The following HCRTR1 variants were observed in gnomAD, a reference collection of about 807,000 sequenced individuals.
The protein encoded by HCRTR1 is hypocretin receptor 1, also known as orexin/Hypocretin receptor type 1.
HCRTR1 carries 28 observed loss-of-function variants against 40.6 expected under a neutral mutation model. The observed-to-expected ratio is 0.69, with a 90% confidence interval of 0.51 to 0.95. The LOEUF (loss-of-function observed/expected upper bound fraction) is 0.95. Ranked by LOEUF, HCRTR1 falls within the 40% of genes least tolerant of loss-of-function variation. The pLI is 0.00. For missense variants in HCRTR1, 482 were observed against 564.7 expected (o/e 0.85, Z 1.48); for synonymous variants, 209 against 230.0 (o/e 0.91, Z 0.83).
downstream of HCRTR1, among the ~76,000 whole-genome samples, chr1:31,628,613 C>A (rs1442917327): frequency 1.3e-5 from 2 of 152,232 alleles, no homozygotes; most frequent in African/African-American, 2.4e-5. Context: ...ACAATTGGCA[C>A]CATCGGGTTT....
In HCRTR1 at chr1:31,626,178, T is replaced by G. The variant is rs6663012; in HGVS notation, c.1088-612T>G. Among the ~76,000 whole-genome samples the G allele has an allele frequency of 0.5, 75,861 of 152,040 alleles. 20,899 individuals are homozygous for G. The highest frequency in any genetic ancestry group is 0.62 in the Non-Finnish European group (41,959 of 67,940). On this transcript the variant is annotated intron_variant, in intron 8 of 8. Transcript: ENST00000403528. This position sits in a 1 kb window ranked among gnomAD's most constrained non-coding sequence, Gnocchi z 4.6. ...TCCCTGGTATACTTGGGCTGAATAA[T>G]GTGGTGTGGTGGTCCCTCCTTCCCT...
At chr1:31,618,513 C>T (rs889373239) in intron 1 of HCRTR1, among the ~76,000 whole-genome samples, 2 of 152,118 alleles carry the variant, frequency 1.3e-5, no homozygotes, top group Non-Finnish European at 2.9e-5. Context: ...TCTCTAACAC[C>T]TCCCTTGGCC....
chr1:31,626,986 G>C lies in HCRTR1; in HGVS notation c.*6G>C. ...TCACCACAGTGCTGCCCTGAGCGAG[G>C]GCTGCCCTGGAGGCTCCGGCTCGGG... On this transcript the variant is annotated 3_prime_UTR_variant, in exon 9 of 9. Transcript: ENST00000403528. This position sits in a 1 kb window ranked among gnomAD's most constrained non-coding sequence, Gnocchi z 4.6. 6.2e-7 allele frequency: 1 copy of C among 1,609,048 alleles called. No homozygotes were observed. Among genetic ancestry groups the C allele is most frequent in the East Asian group, 2.2e-5 (1 of 44,836 alleles).
rs752499424 is a variant in HCRTR1, at chr1:31,625,012, C to A, written c.981C>A (p.Phe327Leu). 2 of 1,607,652 alleles carry A rather than the reference C, an allele frequency of 1.2e-6. No homozygotes were observed. The highest frequency in any genetic ancestry group is 1.7e-6 in the Non-Finnish European group (2 of 1,175,508). Residue 327 changes from phenylalanine to leucine, a missense_variant, in exon 8 of 9, where the codon TTC (phenylalanine) becomes TTA (leucine). Physicochemically the swap from Phe to Leu is conservative, Grantham distance 22 (BLOSUM62 0). Coordinates refer to ENST00000403528, the MANE Select transcript of HCRTR1 (RefSeq NM_001525.3). The surrounding 1 kb of genome is among the most constrained non-coding windows in gnomAD (Gnocchi z 4.2). ...LNVLKRVFGM[F>L]RQASDREAVY... ...CTGGGCCTAGGGTGTTCGGGATGTT[C>A]CGCCAAGCCAGTGACCGCGAAGCTG...
downstream of HCRTR1, chr1:31,632,782 A>G: frequency 2.1e-6 from 2 of 943,590 alleles, no homozygotes; most frequent in South Asian, 3.4e-5. Context: ...AGATGCCTGC[A>G]CCTGAGACAC....
At chr1:31,621,631 T>C in intron 6 of HCRTR1, 39 bp downstream of exon 6, 1 of 1,425,234 alleles carries the variant, frequency 7.0e-7, no homozygotes, top group Non-Finnish European at 9.9e-7. Context: ...CCAGTCACTG[T>C]GTGGGCTGGG....
downstream of HCRTR1, among the ~76,000 whole-genome samples, chr1:31,631,122 G>A (rs562429999): frequency 1.1e-4 from 17 of 152,250 alleles, no homozygotes; most frequent in African/African-American, 3.9e-4. Flanking sequence ...AGACGACAAC[G>A]GACTATCCGC....
At chr1:31,621,951 G>C (rs774672992) in intron 6 of HCRTR1, among the ~76,000 whole-genome samples, 40 of 152,146 alleles carry the variant, frequency 2.6e-4, no homozygotes, top group Admixed American at 5.2e-4. Flanking sequence ...GAGTAGATCA[G>C]GAACTAAAGC....
At chr1:31,634,118 G>C (rs1640192782), downstream of HCRTR1, among the ~76,000 whole-genome samples, 1 of 152,190 alleles carries the variant, frequency 6.6e-6, no homozygotes, top group South Asian at 2.1e-4. Context: ...CCAAAGCCCA[G>C]TAAGGACAGA....
Position 31,626,935 on chromosome 1 carries a change from C to A in HCRTR1, c.1233C>A (p.Ile411=). 1 of 1,613,652 alleles carries A rather than the reference C, an allele frequency of 6.2e-7. No individual in the cohort carries two copies. The highest frequency in any genetic ancestry group is 8.5e-7 in the Non-Finnish European group (1 of 1,180,026). Residue 411 remains isoleucine, a synonymous_variant, in exon 9 of 9, where the codon ATC becomes ATA. Transcript: ENST00000403528. This position sits in a 1 kb window ranked among gnomAD's most constrained non-coding sequence, Gnocchi z 4.6. ...SLQSRCSISK[I]SEHVVLTSVT... ...AGAGCCGATGCTCCATCTCCAAAAT[C>A]TCTGAGCATGTGGTGCTCACCAGCG...
chr1:31,627,441 GC>G lies in HCRTR1; in HGVS notation c.*464del. The stretch of plus-strand genomic sequence containing the variant: ...CTGATGCCTGTGTGAACTAATCTGG[GC>G]CCAGCCTTTCTCCAGCGGGCCACGA... On this transcript the variant is annotated 3_prime_UTR_variant, in exon 9 of 9. Transcript: ENST00000403528. 1 of 1,070,738 alleles carries G rather than the reference GC, an allele frequency of 9.3e-7. No individual in the cohort carries two copies. Among genetic ancestry groups the G allele is most frequent in the East Asian group, 5.8e-5 (1 of 17,212 alleles). 66.3% of individuals were successfully genotyped at this position (1,070,738 alleles called of 1,614,324 possible).
Position 31,627,430 on chromosome 1 carries a change from A to T in HCRTR1, c.*450A>T. On this transcript the variant is annotated 3_prime_UTR_variant, in exon 9 of 9. Coordinates refer to ENST00000403528, the MANE Select transcript of HCRTR1 (RefSeq NM_001525.3). ...GGCCAGCTGTTCTGATGCCTGTGTGAACTAATCTGGGCCCAGCCTTTCTCC... is the reference window on the plus strand; with the variant it reads ...GGCCAGCTGTTCTGATGCCTGTGTGTACTAATCTGGGCCCAGCCTTTCTCC... 8.9e-7 allele frequency: 1 copy of T among 1,124,230 alleles called. No homozygotes were observed. The highest frequency in any genetic ancestry group is 1.2e-6 in the Non-Finnish European group (1 of 836,806). The allele number at this position is 1,124,230 out of a possible 1,614,324, so 69.6% of individuals were successfully genotyped here.
At chr1:31,632,982 T>C (rs967979397), downstream of HCRTR1, among the ~76,000 whole-genome samples, 5 of 152,078 alleles carry the variant, frequency 3.3e-5, no homozygotes, top group Non-Finnish European at 7.4e-5. Flanking sequence ...TTAAGAAAGA[T>C]CTCAGGAAAA....
Position 31,620,927 on chromosome 1 carries a change from A to G in HCRTR1, c.463A>G (p.Lys155Glu). ...TGCCATCTGCCACCCACTATTGTTC[A>G]AGAGCACAGCCCGGCGGGCCCGTGG... ...WYAICHPLLF[K>E]STARRARGSI... The change falls in exon 5 of 9, where the codon AAG (lysine) becomes GAG (glutamate). Residue 155 changes from lysine (K) to glutamate (E), a missense_variant. Lys to Glu is a moderately conservative substitution (Grantham distance 56, BLOSUM62 1). Transcript: ENST00000403528. 1.9e-6 allele frequency: 3 copies of G among 1,614,102 alleles called. No individual in the cohort carries two copies. Among genetic ancestry groups the G allele is most frequent in the Non-Finnish European group, 2.5e-6 (3 of 1,180,020 alleles).
In HCRTR1 at chr1:31,620,939, C is replaced by A. The variant is rs751652807; in HGVS notation, c.475C>A (p.Arg159=). 1.2e-6 allele frequency: 2 copies of A among 1,613,990 alleles called. No individual in the cohort carries two copies. The highest frequency in any genetic ancestry group is 3.3e-5 in the Admixed American group (2 of 60,004). Residue 159 remains arginine (R), a synonymous_variant, in exon 5 of 9, where the codon CGG becomes AGG. Coordinates refer to ENST00000403528, the MANE Select transcript of HCRTR1 (RefSeq NM_001525.3). ...CCCACTATTGTTCAAGAGCACAGCC[C>A]GGCGGGCCCGTGGCTCCATCCTGGG... ...CHPLLFKSTA[R]RARGSILGIW...
rs969938010 is a variant in HCRTR1, at chr1:31,627,509, A to G, written c.*529A>G. ...ACCAGGTGCCAAGGGCACACACCAC[A>G]GACCCGACCTTGTTGGCTTTGTGGT... is the stretch of plus-strand genomic sequence containing the variant. On this transcript the variant is annotated 3_prime_UTR_variant, in exon 9 of 9. Coordinates refer to ENST00000403528, the MANE Select transcript of HCRTR1 (RefSeq NM_001525.3). 1 of 460,628 alleles carries G rather than the reference A, an allele frequency of 2.2e-6. No individual in the cohort carries two copies. Among genetic ancestry groups the G allele is most frequent in the Admixed American group, 3.1e-5 (1 of 32,678 alleles). The allele number at this position is 460,628 out of a possible 1,614,324, so 28.5% of individuals were successfully genotyped here.
downstream of HCRTR1, chr1:31,632,685 G>A (rs769028564): frequency 6.3e-7 from 1 of 1,597,308 alleles, no homozygotes; most frequent in Non-Finnish European, 8.5e-7. Context: ...CAAGACTGAA[G>A]GCCAAGGGTC....
At chr1:31,633,517 G>T (rs1640173542), downstream of HCRTR1, among the ~76,000 whole-genome samples, 2 of 152,198 alleles carry the variant, frequency 1.3e-5, no homozygotes. Context: ...TATTCCATGA[G>T]TCCTCTGGAG....
At position 31,626,988 on chromosome 1, in the gene HCRTR1, C is replaced by T; in HGVS notation, c.*8C>T. 6.2e-7 allele frequency: 1 copy of T among 1,608,616 alleles called. No individual in the cohort carries two copies. On this transcript the variant is annotated 3_prime_UTR_variant, in exon 9 of 9. Transcript: ENST00000403528. This position sits in a 1 kb window ranked among gnomAD's most constrained non-coding sequence, Gnocchi z 4.6. Reference sequence around the variant, plus strand: ...ACCACAGTGCTGCCCTGAGCGAGGGCTGCCCTGGAGGCTCCGGCTCGGGGG... The same window carrying T: ...ACCACAGTGCTGCCCTGAGCGAGGGTTGCCCTGGAGGCTCCGGCTCGGGGG...
Sources: gnomAD v4.1 joint callset for allele counts (sites outside exome capture counted in the v4.1 genomes callset) on GRCh38, gnomAD v4.1.1 for gene constraint, Gnocchi (gnomAD v3.1) non-coding constraint, MANE v1.5 for transcripts, NCBI Gene and HGNC (gene_info 2026-07-23, HGNC 2026-07-21) for gene names.